MTUS2: variants seen among roughly 807,000 people sequenced by gnomAD.
The protein encoded by MTUS2 is microtubule associated scaffold protein 2.
Under a neutral mutation model 114.1 loss-of-function variants are expected in MTUS2, and 40 were observed. That is an observed-to-expected ratio of 0.35 (90% CI 0.27 to 0.46). MTUS2 has a LOEUF of 0.46. Among genes scored for constraint, MTUS2 ranks in the 20% least tolerant of loss-of-function variants. MTUS2 has a pLI of 1.00. For synonymous variants in MTUS2, 688 were observed against 672.0 expected (o/e 1.02, Z -0.37); for missense variants, 1,679 against 1,705.4 (o/e 0.98, Z 0.27).
At chr13:29,407,278 T>C (rs1175904876) in intron 8 of MTUS2, among the ~76,000 whole-genome samples, 1 of 151,980 alleles carries the variant, frequency 6.6e-6, no homozygotes, top group Non-Finnish European at 1.5e-5. Flanking sequence ...TTAGATTGTT[T>C]GGGTTTTCAC....
chr13:29,431,150 C>T (rs539514576), intron 8 of MTUS2, among the ~76,000 whole-genome samples: 67 of 151,996 alleles, frequency 4.4e-4, no homozygotes, highest in Non-Finnish European at 7.9e-4. Flanking sequence ...GAGATCTGAC[C>T]GAAAACTGAA....
chr13:29,086,291 C>CTT (rs1421862265), intron 4 of MTUS2, among the ~76,000 whole-genome samples: 2 of 152,010 alleles, frequency 1.3e-5, no homozygotes, highest in Admixed American at 1.3e-4. Context: ...TTAGATCTTA[C>CTT]TTATTTATTT....
In MTUS2 at chr13:29,025,621, C is replaced by A. The variant is rs1886496860; in HGVS notation, c.923C>A (p.Ala308Asp). Reference protein sequence around the residue: ...EAQLGQGKGEAKLDLKYVPPR... With the variant: ...EAQLGQGKGEDKLDLKYVPPR... ...CAATTAGGTCAGGGAAAGGGAGAGG[C>A]CAAGCTGGATCTGAAATATGTTCCT... Residue 308 changes from alanine (A) to aspartate (D), a missense_variant, in exon 3 of 16, where the codon GCC becomes GAC. Around this residue, in one of 3 missense-constraint regions of MTUS2, gnomAD observed 843 missense variants for 770.8 expected, o/e 1.09. Transcript: ENST00000612955. The A allele has an allele frequency of 6.2e-7, 1 of 1,613,990 alleles. No individual in the cohort carries two copies. Among genetic ancestry groups the A allele is most frequent in the Non-Finnish European group, 8.5e-7 (1 of 1,179,890 alleles).
intron 9 of MTUS2, among the ~76,000 whole-genome samples, chr13:29,442,485 G>T (rs898453506): frequency 6.6e-6 from 1 of 152,164 alleles, no homozygotes; most frequent in African/African-American, 2.4e-5. Context: ...GGCTATCCTT[G>T]CATCTTGTTT....
rs74041783 is a variant in MTUS2 at position 29,244,498 on chromosome 13, T to C, written c.2645-37206T>C. ...GGAAATGAAGGGCATGGAGACTGAATGGGCCACTGAGATCCAGGTGAAAGA... is the reference window on the plus strand; with the variant it reads ...GGAAATGAAGGGCATGGAGACTGAACGGGCCACTGAGATCCAGGTGAAAGA... On this transcript the variant is annotated intron_variant, in intron 5 of 15. Coordinates refer to ENST00000612955, the MANE Select transcript of MTUS2 (RefSeq NM_001033602.4). Among the ~76,000 whole-genome samples the C allele has an allele frequency of 3.8e-3, 577 of 152,136 alleles. 4 individuals carry two copies. The highest frequency in any genetic ancestry group is 0.013 in the African/African-American group (546 of 41,520).
At chr13:29,215,495 T>TCC (rs201536978) in intron 5 of MTUS2, among the ~76,000 whole-genome samples, 4,055 of 136,178 alleles carry the variant, frequency 0.03, 160 homozygotes, top group African/African-American at 0.093. Flanking sequence ...TTTTTTTTTT[T>TCC]CCCCATCTTT....
intron 2 of MTUS2, among the ~76,000 whole-genome samples, chr13:28,842,152 C>T (rs1034804054): frequency 6.6e-6 from 1 of 151,880 alleles, no homozygotes; most frequent in African/African-American, 2.4e-5. Context: ...ACATCTAAAA[C>T]GACCTCTCCT....
intron 2 of MTUS2, among the ~76,000 whole-genome samples, chr13:28,977,109 G>A (rs532304477): frequency 6.6e-5 from 10 of 152,198 alleles, no homozygotes; most frequent in Admixed American, 5.9e-4. Flanking sequence ...ACATAACCCT[G>A]GGTTCACAAA....
intron 2 of MTUS2, among the ~76,000 whole-genome samples, chr13:28,907,191 C>G (rs1880084837): frequency 6.6e-6 from 1 of 151,438 alleles, no homozygotes; most frequent in Admixed American, 6.6e-5. Context: ...ACTTTACAGA[C>G]AAGCAAATGC....
At chr13:28,898,803 G>A (rs933698198) in intron 2 of MTUS2, among the ~76,000 whole-genome samples, 8 of 152,154 alleles carry the variant, frequency 5.3e-5, no homozygotes, top group Admixed American at 2.6e-4. Flanking sequence ...AATGGGCTGC[G>A]AATTTTTGGC....
chr13:29,204,117 G>T (rs1423970023), intron 5 of MTUS2, among the ~76,000 whole-genome samples: 1 of 151,940 alleles, frequency 6.6e-6, no homozygotes, highest in Non-Finnish European at 1.5e-5. Context: ...CCGCCACCAC[G>T]CCTGGCTACT....
chr13:29,350,486 ACTC>A (rs34937666), intron 7 of MTUS2, among the ~76,000 whole-genome samples: 110,118 of 150,926 alleles, frequency 0.73, 44,202 homozygotes, highest in East Asian at 0.9. Context: ...TCTCTGACAT[ACTC>A]CTCTATGACC....
chr13:29,033,320 A>G (rs891292100), intron 3 of MTUS2, among the ~76,000 whole-genome samples: 1 of 152,192 alleles, frequency 6.6e-6, no homozygotes, highest in African/African-American at 2.4e-5. Flanking sequence ...GTAAACACAT[A>G]GTACAGATCT....
At chr13:29,048,492 A>T (rs995290208) in intron 4 of MTUS2, among the ~76,000 whole-genome samples, 1 of 152,030 alleles carries the variant, frequency 6.6e-6, no homozygotes, top group African/African-American at 2.4e-5. Flanking sequence ...TAATTTTTTG[A>T]GATAGGGTCT....
intron 2 of MTUS2, among the ~76,000 whole-genome samples, chr13:28,916,774 G>C (rs1397131689): frequency 2.0e-5 from 3 of 151,274 alleles, no homozygotes. Flanking sequence ...TTTCATGTCT[G>C]ATTGCTCTAG....
chr13:29,345,518 TTTTA>T (rs1388975615), intron 7 of MTUS2, among the ~76,000 whole-genome samples: 6 of 151,998 alleles, frequency 3.9e-5, no homozygotes, highest in African/African-American at 1.4e-4. Context: ...TGTGATTGTT[TTTTA>T]TTTATTTATG....
chr13:29,416,428 AACATATATGTAGC>A, intron 8 of MTUS2, among the ~76,000 whole-genome samples: 1 of 151,234 alleles, frequency 6.6e-6, no homozygotes, highest in Middle Eastern at 3.5e-3. Context: ...AATTATATAT[AACATATATGTAGC>A]ACATATATAT....
intron 8 of MTUS2, among the ~76,000 whole-genome samples, chr13:29,387,756 G>A (rs1297400244): frequency 6.6e-6 from 1 of 152,130 alleles, no homozygotes; most frequent in Admixed American, 6.5e-5. Flanking sequence ...AGGTGTTTAG[G>A]GAGACCTTGG....
At chr13:29,178,583 G>C (rs1346876153) in intron 5 of MTUS2, among the ~76,000 whole-genome samples, 2 of 152,034 alleles carry the variant, frequency 1.3e-5, no homozygotes, top group Admixed American at 1.3e-4. Flanking sequence ...CTTCAGCCCA[G>C]TTGTGACAGT....
Sources: allele counts gnomAD v4.1 joint callset (sites outside exome capture counted in the v4.1 genomes callset), GRCh38; gene constraint gnomAD v4.1.1; regional missense constraint gnomAD v4.1.1; transcripts MANE v1.5; gene names NCBI Gene and HGNC (gene_info 2026-07-23, HGNC 2026-07-21).